Variants in BACH2 observed in about 807,000 individuals in gnomAD.
BACH2 encodes the protein BACH transcriptional regulator 2.
A neutral mutation model predicts 61.8 loss-of-function variants in BACH2; 5 were observed. That is an observed-to-expected ratio of 0.08 (90% CI 0.04 to 0.17). The LOEUF is 0.17. Among genes scored for constraint, BACH2 ranks in the 10% least tolerant of loss-of-function variants. BACH2 has a pLI of 1.00. For missense variants in BACH2, 824 were observed against 1,091.1 expected (o/e 0.76, Z 3.45); for synonymous variants, 446 against 440.1 (o/e 1.01, Z -0.17).
intron 7 of BACH2, among the ~76,000 whole-genome samples, chr6:89,940,337 G>A (rs151169778): frequency 6.6e-6 from 1 of 152,278 alleles, no homozygotes; most frequent in Non-Finnish European, 1.5e-5. Context: ...ATAGCAACCA[G>A]TGAAAAAGAC....
chr6:90,170,758 C>T (rs887886169), intron 4 of BACH2, among the ~76,000 whole-genome samples: 41 of 152,150 alleles, frequency 2.7e-4, no homozygotes, highest in African/African-American at 9.9e-4. Context: ...AAGAGGACTT[C>T]TGATTGTCAA....
At chr6:90,055,770 G>A (rs887706564) in intron 5 of BACH2, among the ~76,000 whole-genome samples, 5 of 152,152 alleles carry the variant, frequency 3.3e-5, no homozygotes, top group African/African-American at 7.2e-5. Flanking sequence ...ACTAACAGCT[G>A]ATCTCTCGGC....
intron 4 of BACH2, among the ~76,000 whole-genome samples, chr6:90,162,393 C>T (rs990207330): frequency 2.6e-5 from 4 of 152,150 alleles, no homozygotes; most frequent in African/African-American, 9.7e-5. Context: ...AATCCTAGCG[C>T]TTTGGGAGGC....
chr6:90,173,445 C>T (rs1030177917), intron 4 of BACH2, among the ~76,000 whole-genome samples: 28 of 152,042 alleles, frequency 1.8e-4, no homozygotes, highest in African/African-American at 3.1e-4. Flanking sequence ...AACAAACAAA[C>T]GAAAAACCTG....
chr6:90,126,028 G>A (rs774091510), intron 4 of BACH2, among the ~76,000 whole-genome samples: 9 of 152,216 alleles, frequency 5.9e-5, no homozygotes, highest in East Asian at 3.8e-4. Context: ...AGAGGAAAGC[G>A]TGGAGAGAGA....
intron 5 of BACH2, among the ~76,000 whole-genome samples, chr6:90,034,033 C>T (rs1359107912): frequency 6.6e-6 from 1 of 152,072 alleles, no homozygotes; most frequent in African/African-American, 2.4e-5. Context: ...GAAGATTAGA[C>T]CACACTGTGT....
chr6:90,010,905 G>C (rs1777669080), intron 5 of BACH2, among the ~76,000 whole-genome samples: 1 of 152,152 alleles, frequency 6.6e-6, no homozygotes, highest in African/African-American at 2.4e-5. Context: ...TGTCTATTTA[G>C]ATTCTTTGCC....
At chr6:90,144,282 T>C (rs1463690906) in intron 4 of BACH2, among the ~76,000 whole-genome samples, 1 of 152,218 alleles carries the variant, frequency 6.6e-6, no homozygotes, top group East Asian at 1.9e-4. Context: ...CCTAGAACTT[T>C]ATACAGTGCT....
chr6:90,220,790 A>G (rs558911812), intron 3 of BACH2, among the ~76,000 whole-genome samples: 1 of 152,358 alleles, frequency 6.6e-6, no homozygotes, highest in African/African-American at 2.4e-5. Context: ...AAACAATAAC[A>G]GCATAGTTAA....
At chr6:90,271,376 AAAAAAAGAAAAAAG>A (rs1414620383) in intron 2 of BACH2, among the ~76,000 whole-genome samples, 1 of 150,274 alleles carries the variant, frequency 6.7e-6, no homozygotes, top group Non-Finnish European at 1.5e-5. Context: ...TAAAAAAAAA[AAAAAAAGAAAAAAG>A]AAAAAAGAAA....
chr6:90,045,279 C>T (rs974033661), intron 5 of BACH2, among the ~76,000 whole-genome samples: 1 of 152,164 alleles, frequency 6.6e-6, no homozygotes, highest in African/African-American at 2.4e-5. Context: ...GAGCAGTTTC[C>T]ACTGCTTGGC....
intron 1 of BACH2, among the ~76,000 whole-genome samples, chr6:90,282,282 T>C (rs765130524): frequency 6.6e-6 from 1 of 152,170 alleles, no homozygotes; most frequent in African/African-American, 2.4e-5. Context: ...TGGTATCCAT[T>C]AGTTATTTTC....
At chr6:90,217,245 A>G (rs929563746) in intron 3 of BACH2, among the ~76,000 whole-genome samples, 3 of 152,206 alleles carry the variant, frequency 2.0e-5, no homozygotes, top group African/African-American at 7.2e-5. Flanking sequence ...GTCTACTATC[A>G]AAATTCAGTG....
chr6:90,214,360 G>C (rs192545161), intron 3 of BACH2, among the ~76,000 whole-genome samples: 29 of 151,300 alleles, frequency 1.9e-4, no homozygotes, highest in Admixed American at 3.3e-4. Flanking sequence ...GGCGGGGCGG[G>C]GGGAGGGGGT....
chr6:90,032,053 A>G (rs568931313), intron 5 of BACH2, among the ~76,000 whole-genome samples: 36 of 152,184 alleles, frequency 2.4e-4, no homozygotes, highest in Non-Finnish European at 4.8e-4. Flanking sequence ...ATAATGCCGC[A>G]TATCTACAAC....
At chr6:89,969,388 A>G (rs1439816886) in intron 6 of BACH2, among the ~76,000 whole-genome samples, 1 of 152,114 alleles carries the variant, frequency 6.6e-6, no homozygotes, top group Admixed American at 6.5e-5. Flanking sequence ...GAATTCCTGG[A>G]GGAACTCACA....
At chr6:90,140,138 G>A (rs1184172833) in intron 4 of BACH2, among the ~76,000 whole-genome samples, 4 of 152,172 alleles carry the variant, frequency 2.6e-5, no homozygotes, top group African/African-American at 9.7e-5. Context: ...GAAAAGGGCT[G>A]AAGAAGGGTG....
intron 5 of BACH2, among the ~76,000 whole-genome samples, chr6:90,073,468 G>C (rs971116841): frequency 2.0e-5 from 3 of 152,180 alleles, no homozygotes; most frequent in African/African-American, 7.2e-5. Context: ...CTTCAATTAA[G>C]AGAATTCTGC....
In BACH2 at chr6:89,932,417, A is replaced by G; in HGVS notation, c.2517T>C (p.Asp839=). Residue 839 remains aspartate, a synonymous_variant, in exon 9 of 9, where the codon GAT becomes GAC. Coordinates refer to ENST00000257749, the MANE Select transcript of BACH2 (RefSeq NM_021813.4). ...AGGCAGAGCCGAGTCACTAGGTATA[A>G]TCTTTCCTGGGCTGTTCGTCAGTTG... The part of the protein sequence containing the change: ...KCTTDEQPRK[D]YT 6.2e-7 allele frequency: 1 copy of G among 1,611,464 alleles called. No homozygotes were observed. Among genetic ancestry groups the G allele is most frequent in the Middle Eastern group, 1.7e-4 (1 of 6,048 alleles).
Sources: allele counts gnomAD v4.1 joint callset (sites outside exome capture counted in the v4.1 genomes callset), GRCh38; gene constraint gnomAD v4.1.1; transcripts MANE v1.5; gene names NCBI Gene and HGNC (gene_info 2026-07-23, HGNC 2026-07-21).